The following MICAL3 variants were observed in gnomAD, a reference collection of about 807,000 sequenced individuals.
The protein encoded by MICAL3 is [F-actin]-monooxygenase MICAL3.
MICAL3 carries 62 observed loss-of-function variants against 207.4 expected under a neutral mutation model. The ratio of observed to expected loss-of-function variants is 0.30; its 90% CI spans 0.24 to 0.37. MICAL3 has a LOEUF of 0.37. MICAL3 is among the 10% of genes least tolerant of loss of function. The pLI, the probability that MICAL3 is intolerant of heterozygous loss-of-function variation, is 1.00. For missense variants in MICAL3, 2,368 were observed against 2,635.6 expected (o/e 0.90, Z 2.22); for synonymous variants, 1,077 against 1,069.3 (o/e 1.01, Z -0.14).
chr22:17,953,664 C>T (rs1050568163), intron 1 of MICAL3, among the ~76,000 whole-genome samples: 11 of 152,112 alleles, frequency 7.2e-5, no homozygotes, highest in African/African-American at 2.2e-4. Context: ...GGTGTGGTGG[C>T]TCACGCCTGT....
chr22:17,911,186 C>T (rs979905990), intron 1 of MICAL3, among the ~76,000 whole-genome samples: 4 of 152,108 alleles, frequency 2.6e-5, no homozygotes, highest in Non-Finnish European at 5.9e-5. Context: ...CTGAAGCACA[C>T]GCAGGACATG....
intron 16 of MICAL3, 58 bp downstream of exon 16, chr22:17,885,820 C>T (rs1929818574): frequency 1.9e-6 from 3 of 1,545,368 alleles, no homozygotes; most frequent in Admixed American, 1.7e-5. Context: ...TGGAAAAGAT[C>T]CCCCCTTCTT....
At position 17,866,020 on chromosome 22, in the gene MICAL3, C is replaced by T. The variant is rs138856467; in HGVS notation, c.2429-8G>A. The T allele has an allele frequency of 1.2e-6, 2 of 1,603,190 alleles. No individual in the cohort carries two copies. Among genetic ancestry groups the T allele is most frequent in the Non-Finnish European group, 1.7e-6 (2 of 1,170,066 alleles). ...GCTTACAGTAGAATTTACCTGCAGA[C>T]AGCAAGAGGCAGGGACAGAGGCGAT... On this transcript the variant is annotated splice_polypyrimidine_tract_variant and splice_region_variant and intron_variant, in intron 17 of 31. Transcript: ENST00000441493.
At chr22:17,938,034 A>T (rs1488848772) in intron 1 of MICAL3, among the ~76,000 whole-genome samples, 1 of 152,152 alleles carries the variant, frequency 6.6e-6, no homozygotes, top group Non-Finnish European at 1.5e-5. Flanking sequence ...TGTCTTGCTG[A>T]TTATAGTATC....
At chr22:18,022,254 C>T (rs1191165011) in intron 1 of MICAL3, among the ~76,000 whole-genome samples, 1 of 152,092 alleles carries the variant, frequency 6.6e-6, no homozygotes, top group Non-Finnish European at 1.5e-5. Context: ...TACCCTGGGA[C>T]TCCAATTTTC....
chr22:17,998,280 G>A (rs1340450110), intron 1 of MICAL3, among the ~76,000 whole-genome samples: 1 of 152,164 alleles, frequency 6.6e-6, no homozygotes, highest in East Asian at 1.9e-4. Context: ...CAGACTGGGC[G>A]CGACAGAGCA....
At chr22:17,794,035 G>A (rs1181083743) in intron 29 of MICAL3, among the ~76,000 whole-genome samples, 1 of 152,152 alleles carries the variant, frequency 6.6e-6, no homozygotes, top group African/African-American at 2.4e-5. Flanking sequence ...CCTTTTTTCA[G>A]CACGGAACTG....
At chr22:17,826,701 T>TGGGAA (rs1922223377) in intron 22 of MICAL3, among the ~76,000 whole-genome samples, 1 of 151,684 alleles carries the variant, frequency 6.6e-6, no homozygotes, top group Non-Finnish European at 1.5e-5. Context: ...AGAATCAGGA[T>TGGGAA]GAGAAGAGAA....
intron 25 of MICAL3, among the ~76,000 whole-genome samples, 154 bp downstream of exon 25, chr22:17,821,273 G>C (rs761280174): frequency 6.6e-6 from 1 of 152,038 alleles, no homozygotes; most frequent in Non-Finnish European, 1.5e-5. Context: ...GAGGATGATA[G>C]TTTTCAGTCT....
intron 1 of MICAL3, among the ~76,000 whole-genome samples, chr22:17,923,934 G>A (rs1434544703): frequency 6.6e-6 from 1 of 152,192 alleles, no homozygotes; most frequent in African/African-American, 2.4e-5. Context: ...CGGCTGGGGA[G>A]GACTCAAGGA....
intron 29 of MICAL3, among the ~76,000 whole-genome samples, chr22:17,801,901 AC>A (rs556278171): frequency 4.7e-4 from 71 of 152,074 alleles, no homozygotes; most frequent in African/African-American, 1.7e-3. Flanking sequence ...CTCAAAAAAA[AC>A]AAACAAACAA....
intron 1 of MICAL3, among the ~76,000 whole-genome samples, chr22:18,017,415 CA>C (rs1312879428): frequency 2.0e-5 from 3 of 151,544 alleles, no homozygotes; most frequent in Non-Finnish European, 2.9e-5. Context: ...TGCGGTTTCA[CA>C]ATGTTGGCCA....
chr22:17,969,883 T>C (rs952324929), intron 1 of MICAL3, among the ~76,000 whole-genome samples: 4 of 152,166 alleles, frequency 2.6e-5, no homozygotes, highest in South Asian at 2.1e-4. Context: ...CGTCTGTGAC[T>C]TGCCTGAGAA....
chr22:17,997,535 A>T (rs1487109620), intron 1 of MICAL3, among the ~76,000 whole-genome samples: 2 of 151,874 alleles, frequency 1.3e-5, no homozygotes, highest in Non-Finnish European at 2.9e-5. Flanking sequence ...GTCCAACCCC[A>T]CCTCCCATCA....
chr22:17,957,087 A>G (rs1004661491), intron 1 of MICAL3, among the ~76,000 whole-genome samples: 6 of 152,300 alleles, frequency 3.9e-5, no homozygotes, highest in Middle Eastern at 3.4e-3. Flanking sequence ...CCCAGAAAGA[A>G]AAGAAAGATG....
At chr22:17,980,331 T>C (rs1935851083) in intron 1 of MICAL3, among the ~76,000 whole-genome samples, 1 of 152,158 alleles carries the variant, frequency 6.6e-6, no homozygotes, top group African/African-American at 2.4e-5. Flanking sequence ...CTTCTGGGCT[T>C]CCAAAAGGAA....
At chr22:17,996,038 T>C (rs1350705213) in intron 1 of MICAL3, among the ~76,000 whole-genome samples, 1 of 150,788 alleles carries the variant, frequency 6.6e-6, no homozygotes, top group African/African-American at 2.4e-5. Flanking sequence ...GGTGCACGCC[T>C]GTAGTCTCAA....
In MICAL3 at chr22:17,818,739, G is replaced by T. The variant is rs1921240673; in HGVS notation, c.3922C>A (p.Leu1308Met). Residue 1308 changes from leucine to methionine, a missense_variant, in exon 26 of 32, where the codon CTG (leucine) becomes ATG (methionine). By Grantham distance (15) the Leu-to-Met change is conservative. This residue lies in a region of MICAL3 where 1,770 missense variants were observed against 1,863.2 expected (regional missense o/e 0.95). Coordinates refer to ENST00000441493, the MANE Select transcript of MICAL3 (RefSeq NM_015241.3). ...TCATCCACAGCAAGGGGGCTGCCCAGTCTGTCCTTGGTGTCACTTTGGCTT... is the reference window on the plus strand; with the variant it reads ...TCATCCACAGCAAGGGGGCTGCCCATTCTGTCCTTGGTGTCACTTTGGCTT... ...VQSQSDTKDR[L>M]GSPLAVDEAL... is the part of the protein sequence containing the mutation. 1 of 1,607,712 alleles carries T rather than the reference G, an allele frequency of 6.2e-7. No homozygotes were observed. The highest frequency in any genetic ancestry group is 8.5e-7 in the Non-Finnish European group (1 of 1,175,568).
intron 29 of MICAL3, among the ~76,000 whole-genome samples, chr22:17,807,421 C>T (rs2061999959): frequency 6.6e-6 from 1 of 152,242 alleles, no homozygotes; most frequent in African/African-American, 2.4e-5. Flanking sequence ...GTGCTTGTCT[C>T]ACAGTAACAC....
Sources: gnomAD v4.1 joint callset for allele counts (sites outside exome capture counted in the v4.1 genomes callset) on GRCh38, gnomAD v4.1.1 for gene constraint, gnomAD v4.1.1 regional missense constraint, MANE v1.5 for transcripts, NCBI Gene and HGNC (gene_info 2026-07-23, HGNC 2026-07-21) for gene names.